Variants in TTC33 observed in about 807,000 individuals in gnomAD.
The protein encoded by TTC33 is tetratricopeptide repeat domain 33, also known as tetratricopeptide repeat protein 33.
A neutral mutation model predicts 29.4 loss-of-function variants in TTC33; 24 were observed. The observed-to-expected ratio is 0.82, with a 90% CI of 0.59 to 1.15. TTC33 has a LOEUF of 1.15. TTC33 is among the 50% of genes most tolerant of loss of function. The pLI, the probability that TTC33 is intolerant of heterozygous loss-of-function variation, is 0.00. For missense variants in TTC33, 286 were observed against 310.4 expected, an observed-to-expected ratio of 0.92 and a Z score of 0.59; for synonymous variants, 107 against 100.3, an observed-to-expected ratio of 1.07 and a Z score of -0.40.
chr5:40,716,256 T>C lies in TTC33; in HGVS notation c.678A>G (p.Ser226=). The C allele has an allele frequency of 6.2e-7, 1 of 1,614,232 alleles. No individual in the cohort carries two copies. Among genetic ancestry groups the C allele is most frequent in the Non-Finnish European group, 8.5e-7 (1 of 1,180,044 alleles). The change falls in exon 5 of 5, where the codon TCA becomes TCG. Residue 226 remains serine, a synonymous_variant. Coordinates refer to ENST00000337702, the MANE Select transcript of TTC33 (RefSeq NM_012382.3). ...ACACAATAACCATTGTTTTATTTGC[T>C]GAAACTGTCTTCTCTTTCTCAGCAA... ...AAIAEKEKTV[S]ANKTMVIVSA... is the part of the protein sequence containing the mutation.
chr5:40,733,458 G>C lies in TTC33; in HGVS notation c.222-3115C>G, dbSNP rs141786701. 3.3e-5 allele frequency among the ~76,000 whole-genome samples: 5 copies of C among 152,166 alleles called. No individual in the cohort carries two copies. The East Asian group carries it at 9.6e-4, about 29-fold the overall frequency. Reference sequence around the variant, plus strand: ...AGTAAAACTTTATTTATAAAAACAGGTTGTTTTTATAAATAAAGTTTGCCA... The same window carrying C: ...AGTAAAACTTTATTTATAAAAACAGCTTGTTTTTATAAATAAAGTTTGCCA... On this transcript the variant is annotated intron_variant, in intron 2 of 4. Transcript: ENST00000337702.
At chr5:40,740,844 A>G (rs1742676986) in intron 2 of TTC33, among the ~76,000 whole-genome samples, 1 of 152,240 alleles carries the variant, frequency 6.6e-6, no homozygotes, top group Non-Finnish European at 1.5e-5. Flanking sequence ...AGCCGGTCTT[A>G]GCATATGCTT....
intron 4 of TTC33, among the ~76,000 whole-genome samples, chr5:40,726,858 G>T (rs564225355): frequency 6.6e-6 from 1 of 151,952 alleles, no homozygotes; most frequent in East Asian, 1.9e-4. Flanking sequence ...TATATGATAG[G>T]GTTTTCTTCC....
At chr5:40,726,844 G>T (rs1407672619) in intron 4 of TTC33, among the ~76,000 whole-genome samples, 2 of 152,066 alleles carry the variant, frequency 1.3e-5, no homozygotes, top group Non-Finnish European at 2.9e-5. Context: ...CAAGGAAAAA[G>T]TATTATATGA....
chr5:40,733,870 G>T (rs1454003706), intron 2 of TTC33, among the ~76,000 whole-genome samples: 1 of 151,994 alleles, frequency 6.6e-6, no homozygotes, highest in East Asian at 1.9e-4. Context: ...TTTTTATTAG[G>T]CAGGTATGCA....
intron 1 of TTC33, among the ~76,000 whole-genome samples, chr5:40,751,615 G>C (rs1742895422): frequency 6.6e-6 from 1 of 152,196 alleles, no homozygotes; most frequent in African/African-American, 2.4e-5. Context: ...CTGCAGCTAT[G>C]AAAGTCCTGG....
chr5:40,728,954 A>T (rs1051199346), intron 3 of TTC33, among the ~76,000 whole-genome samples: 1 of 152,168 alleles, frequency 6.6e-6, no homozygotes, highest in Non-Finnish European at 1.5e-5. Flanking sequence ...AACCATACAT[A>T]CTAGGAAGGT....
chr5:40,738,247 A>C (rs1260415920), intron 2 of TTC33, among the ~76,000 whole-genome samples: 1 of 151,888 alleles, frequency 6.6e-6, no homozygotes, highest in Non-Finnish European at 1.5e-5. Context: ...CCCTGTCTCT[A>C]CTAAAAATTC....
At chr5:40,732,972 G>A (rs774302465) in intron 2 of TTC33, among the ~76,000 whole-genome samples, 6 of 151,992 alleles carry the variant, frequency 3.9e-5, no homozygotes, top group Non-Finnish European at 8.8e-5. Flanking sequence ...GCAGCAGAGA[G>A]CAGCATATAA....
intron 2 of TTC33, among the ~76,000 whole-genome samples, chr5:40,736,556 G>GT (rs1455970376): frequency 6.6e-6 from 1 of 152,066 alleles, no homozygotes; most frequent in Non-Finnish European, 1.5e-5. Flanking sequence ...GTATAACCTA[G>GT]TTTGTAATAA....
chr5:40,742,890 AG>A (rs559838224), intron 2 of TTC33, among the ~76,000 whole-genome samples: 10 of 152,212 alleles, frequency 6.6e-5, no homozygotes, highest in African/African-American at 9.7e-5. Context: ...AATGGTAGCT[AG>A]CTTATAAAAA....
In TTC33 at chr5:40,714,324, T is replaced by C. The variant is rs965910766; in HGVS notation, c.*1821A>G. On this transcript the variant is annotated 3_prime_UTR_variant, in exon 5 of 5. Coordinates refer to ENST00000337702, the MANE Select transcript of TTC33 (RefSeq NM_012382.3). ...AACTCAAGTTCTTCATAGAAATAGC[T>C]AGCATTTACTGAAATAGCTGGCATT... Among the ~76,000 whole-genome samples, 12 of 152,206 alleles carry C rather than the reference T, an allele frequency of 7.9e-5. No individual in the cohort carries two copies. Among genetic ancestry groups the C allele is most frequent in the Admixed American group, 3.3e-4 (5 of 15,268 alleles).
chr5:40,754,770 T>A (rs948675279), intron 1 of TTC33, among the ~76,000 whole-genome samples: 1 of 152,222 alleles, frequency 6.6e-6, no homozygotes, highest in Middle Eastern at 3.2e-3. Flanking sequence ...GAAGAAAACT[T>A]AGCCAGGCTT....
At chr5:40,737,523 G>T (rs969262121) in intron 2 of TTC33, among the ~76,000 whole-genome samples, 1 of 151,994 alleles carries the variant, frequency 6.6e-6, no homozygotes, top group Non-Finnish European at 1.5e-5. Context: ...TATATGAAAC[G>T]AATATAGAAT....
At chr5:40,725,910 C>A (rs912515328) in intron 4 of TTC33, among the ~76,000 whole-genome samples, 2 of 151,496 alleles carry the variant, frequency 1.3e-5, no homozygotes, top group African/African-American at 4.9e-5. Context: ...CTCAGCCTCC[C>A]GAGCAGCTGG....
Position 40,738,504 on chromosome 5 carries a change from CAATAA to C in TTC33, c.222-8166_222-8162del, listed in dbSNP as rs1245855123. ...CAATACAATACAATACAATACAATACAATAAAATACAATAAAATAAAATACAATAA... is the reference window on the plus strand; with the variant it reads ...CAATACAATACAATACAATACAATACAATACAATAAAATAAAATACAATAA... On this transcript the variant is annotated intron_variant, in intron 2 of 4. Coordinates refer to ENST00000337702, the MANE Select transcript of TTC33 (RefSeq NM_012382.3). Among the ~76,000 whole-genome samples, 271 of 102,632 alleles carry C rather than the reference CAATAA, an allele frequency of 2.6e-3. 1 individual carries two copies. The highest frequency in any genetic ancestry group is 7.9e-3 in the African/African-American group (206 of 26,134). The allele number at this position is 102,632 out of a possible 152,430, so 67.3% of individuals were successfully genotyped here.
chr5:40,740,861 G>A (rs1394610811), intron 2 of TTC33, among the ~76,000 whole-genome samples: 1 of 152,114 alleles, frequency 6.6e-6, no homozygotes, highest in Non-Finnish European at 1.5e-5. Context: ...GCTTCTAGAA[G>A]GACCCAGACT....
intron 1 of TTC33, among the ~76,000 whole-genome samples, chr5:40,755,599 G>A (rs983684922): frequency 6.6e-6 from 1 of 152,202 alleles, no homozygotes; most frequent in Non-Finnish European, 1.5e-5. Context: ...CTTGTCCCTG[G>A]AGACCAACCC....
chr5:40,742,152 G>T (rs1742708136), intron 2 of TTC33, among the ~76,000 whole-genome samples: 1 of 151,798 alleles, frequency 6.6e-6, no homozygotes, highest in East Asian at 1.9e-4. Context: ...GGCCATCCAG[G>T]TCTAGTTCTA....
Sources: allele counts gnomAD v4.1 joint callset (sites outside exome capture counted in the v4.1 genomes callset), GRCh38; gene constraint gnomAD v4.1.1; transcripts MANE v1.5; gene names NCBI Gene and HGNC (gene_info 2026-07-23, HGNC 2026-07-21).